Variants in PSMB2 observed in about 807,000 individuals in gnomAD.
PSMB2 encodes proteasome 20S subunit beta 2, also known as proteasome subunit beta type-2.
PSMB2 carries 13 observed loss-of-function variants against 25.7 expected under a neutral mutation model. The observed-to-expected ratio is 0.51, with a 90% CI of 0.33 to 0.80. PSMB2 has a LOEUF of 0.80. Among genes scored for constraint, PSMB2 ranks in the 30% least tolerant of loss-of-function variants. The probability of loss-of-function intolerance (pLI) is 0.02; values close to 1 mark genes in which losing one functional copy is unlikely to be tolerated. For missense variants in PSMB2, 202 were observed against 259.0 expected, an observed-to-expected ratio of 0.78 and a Z score of 1.51; for synonymous variants, 87 against 96.2, an observed-to-expected ratio of 0.90 and a Z score of 0.56.
chr1:35,600,205 C>T lies in PSMB2; in HGVS notation c.*3062G>A, dbSNP rs893904358. On this transcript the variant is annotated 3_prime_UTR_variant, in exon 6 of 6. Coordinates refer to ENST00000373237, the MANE Select transcript of PSMB2 (RefSeq NM_002794.5). Reference sequence around the variant, plus strand: ...GATTTAGGATGTAGAAATGCCAGAACTTGGTGGCCATGTAGAGACAGGAGA... The same window carrying T: ...GATTTAGGATGTAGAAATGCCAGAATTTGGTGGCCATGTAGAGACAGGAGA... The T allele has an allele frequency of 6.1e-6, 6 of 985,156 alleles. No individual in the cohort carries two copies. The highest frequency in any genetic ancestry group is 5.2e-4 in the Middle Eastern group (1 of 1,934). 61.0% of individuals were successfully genotyped at this position (985,156 alleles called of 1,614,324 possible).
chr1:35,609,978 A>G (rs772376986), intron 3 of PSMB2, among the ~76,000 whole-genome samples: 15 of 152,250 alleles, frequency 9.9e-5, no homozygotes, highest in Non-Finnish European at 1.9e-4. Flanking sequence ...GGCAAAGCAT[A>G]GGTGCTCTTT....
Position 35,602,970 on chromosome 1 carries a change from A to T in PSMB2, c.*297T>A. The T allele has an allele frequency of 1.9e-6, 2 of 1,080,080 alleles. No individual in the cohort carries two copies. Among genetic ancestry groups the T allele is most frequent in the Non-Finnish European group, 2.2e-6 (2 of 889,448 alleles). The allele number at this position is 1,080,080 out of a possible 1,614,324, so 66.9% of individuals were successfully genotyped here. On this transcript the variant is annotated 3_prime_UTR_variant, in exon 6 of 6. Transcript: ENST00000373237. ...TAAAATATATGAAAGAGCTAGTTGG[A>T]AAGGAAGCCAAGCATGGAGTAGAAC...
chr1:35,608,172 C>T (rs973906125), intron 4 of PSMB2, among the ~76,000 whole-genome samples: 1 of 152,100 alleles, frequency 6.6e-6, no homozygotes, highest in Non-Finnish European at 1.5e-5. Context: ...CTGGACCAGC[C>T]TGGCCAACAT....
intron 3 of PSMB2, among the ~76,000 whole-genome samples, chr1:35,615,366 G>A (rs1344211133): frequency 6.6e-6 from 1 of 151,998 alleles, no homozygotes; most frequent in African/African-American, 2.4e-5. Context: ...ACATTTGGGG[G>A]TGGCGAGTGT....
At chr1:35,608,003 T>C (rs1164781914) in intron 4 of PSMB2, among the ~76,000 whole-genome samples, 1 of 152,136 alleles carries the variant, frequency 6.6e-6, no homozygotes, top group Non-Finnish European at 1.5e-5. Context: ...CTCATAGAAG[T>C]AAAAAGTAGA....
At chr1:35,625,751 G>A (rs1650840902) in intron 3 of PSMB2, among the ~76,000 whole-genome samples, 1 of 149,596 alleles carries the variant, frequency 6.7e-6, no homozygotes, top group African/African-American at 2.5e-5. Context: ...GACACAGTGA[G>A]ACTCCGTCTC....
chr1:35,616,215 A>G (rs758955094), intron 3 of PSMB2, among the ~76,000 whole-genome samples: 3 of 152,244 alleles, frequency 2.0e-5, no homozygotes, highest in Non-Finnish European at 2.9e-5. Context: ...CAAGTCCTAC[A>G]TGCTTTTCCA....
chr1:35,611,114 T>G (rs577858277), intron 3 of PSMB2, among the ~76,000 whole-genome samples: 2 of 152,338 alleles, frequency 1.3e-5, no homozygotes, highest in South Asian at 4.1e-4. Context: ...GTGTTTCTCC[T>G]CTTGCCTTTG....
intron 3 of PSMB2, among the ~76,000 whole-genome samples, chr1:35,629,960 G>A (rs531713309): frequency 1.3e-5 from 2 of 152,312 alleles, no homozygotes; most frequent in East Asian, 1.9e-4. Context: ...CCTGAGATCA[G>A]GAGTTCGAGA....
intron 3 of PSMB2, among the ~76,000 whole-genome samples, chr1:35,628,627 A>ATTTTTT (rs1250841351): frequency 1.2e-4 from 5 of 42,956 alleles, no homozygotes; most frequent in African/African-American, 4.6e-4. Context: ...ATATATATAT[A>ATTTTTT]TATATTTTTT....
At chr1:35,631,223 A>G in intron 3 of PSMB2, 51 bp downstream of exon 3, 1 of 1,564,520 alleles carries the variant, frequency 6.4e-7, no homozygotes, top group Middle Eastern at 1.7e-4. Context: ...ATATAAAAGA[A>G]GCACAAAGGA....
chr1:35,636,436 C>T lies in PSMB2; in HGVS notation c.92-4G>A, dbSNP rs747632349. ...ATCTTAAACATCTTGTCATGATCTG[C>T]TCAAAGAAGAAAACTGTGTTAGAAA... On this transcript the variant is annotated splice_polypyrimidine_tract_variant and splice_region_variant and intron_variant, in intron 1 of 5. Coordinates refer to ENST00000373237, the MANE Select transcript of PSMB2 (RefSeq NM_002794.5). 4 of 1,612,024 alleles carry T rather than the reference C, an allele frequency of 2.5e-6. No individual in the cohort carries two copies. Among genetic ancestry groups the T allele is most frequent in the Non-Finnish European group, 3.4e-6 (4 of 1,179,198 alleles).
At chr1:35,628,905 C>A (rs1340722945) in intron 3 of PSMB2, among the ~76,000 whole-genome samples, 1 of 151,816 alleles carries the variant, frequency 6.6e-6, no homozygotes, top group African/African-American at 2.4e-5. Context: ...TTATTTTAAG[C>A]AAGTACAGAT....
chr1:35,638,243 G>A (rs972644615), intron 1 of PSMB2, among the ~76,000 whole-genome samples: 2 of 152,150 alleles, frequency 1.3e-5, no homozygotes, highest in African/African-American at 4.8e-5. Context: ...ACAAGAGATA[G>A]ATACTTAGAG....
At chr1:35,637,789 T>C (rs938777769) in intron 1 of PSMB2, among the ~76,000 whole-genome samples, 3 of 152,178 alleles carry the variant, frequency 2.0e-5, no homozygotes, top group African/African-American at 7.2e-5. Context: ...CAAACACACT[T>C]TTATTTGTTA....
At chr1:35,609,463 T>G in intron 3 of PSMB2, 55 bp from the exon 4 acceptor site, 1 of 1,340,546 alleles carries the variant, frequency 7.5e-7, no homozygotes, top group Non-Finnish European at 9.9e-7. Context: ...CAACATCTCT[T>G]CCCATGGCAA....
intron 3 of PSMB2, among the ~76,000 whole-genome samples, chr1:35,623,199 G>T (rs1311461586): frequency 6.6e-6 from 1 of 152,172 alleles, no homozygotes; most frequent in South Asian, 2.1e-4. Context: ...TGTGAGATGG[G>T]ACCTGGGATA....
chr1:35,636,018 G>A (rs1427303741), intron 2 of PSMB2, among the ~76,000 whole-genome samples: 2 of 152,062 alleles, frequency 1.3e-5, no homozygotes, highest in Non-Finnish European at 2.9e-5. Context: ...TCCTTAAGAG[G>A]TTATTAAATT....
chr1:35,611,009 T>TGC (rs1650313577), intron 3 of PSMB2, among the ~76,000 whole-genome samples: 1 of 152,170 alleles, frequency 6.6e-6, no homozygotes, highest in Non-Finnish European at 1.5e-5. Context: ...CTACACCAGC[T>TGC]GCGCCATTTA....
Sources: gnomAD v4.1 joint callset for allele counts (sites outside exome capture counted in the v4.1 genomes callset) on GRCh38, gnomAD v4.1.1 for gene constraint, MANE v1.5 for transcripts, NCBI Gene and HGNC (gene_info 2026-07-23, HGNC 2026-07-21) for gene names.